ZNF35: variants seen among roughly 807,000 people sequenced by gnomAD.
ZNF35 encodes zinc finger protein 35.
In ZNF35, 31 loss-of-function variants were observed where a neutral mutation model predicts 45.9. That is an observed-to-expected ratio of 0.68 (90% CI 0.51 to 0.91). ZNF35 has a LOEUF of 0.91. Among genes scored for constraint, ZNF35 ranks in the 40% least tolerant of loss-of-function variants. The probability of loss-of-function intolerance (pLI) is 0.00; values close to 1 mark genes in which losing one functional copy is unlikely to be tolerated. For synonymous variants in ZNF35, 205 were observed against 220.2 expected (o/e 0.93, Z 0.61); for missense variants, 515 against 625.4 (o/e 0.82, Z 1.88).
intron 3 of ZNF35, among the ~76,000 whole-genome samples, chr3:44,656,852 C>T (rs1703317989): frequency 6.7e-6 from 1 of 150,200 alleles, no homozygotes; most frequent in South Asian, 2.1e-4. Context: ...CATGCACCAC[C>T]ACACCTGGCT....
At chr3:44,653,268 T>A (rs1439038218) in intron 3 of ZNF35, among the ~76,000 whole-genome samples, 1 of 152,164 alleles carries the variant, frequency 6.6e-6, no homozygotes, top group Non-Finnish European at 1.5e-5. Flanking sequence ...AAGGAATGGA[T>A]CTCCAGGTTG....
In ZNF35 at chr3:44,660,178, C is replaced by A; in HGVS notation, c.*231C>A. The A allele has an allele frequency of 2.6e-6, 1 of 391,422 alleles. No individual in the cohort carries two copies. The highest frequency in any genetic ancestry group is 4.5e-6 in the Non-Finnish European group (1 of 221,820). The allele number at this position is 391,422 out of a possible 1,614,324, so 24.2% of individuals were successfully genotyped here. A position where few individuals can be genotyped will look rare whatever the true frequency, so the allele number is the denominator to read the frequency against. On this transcript the variant is annotated 3_prime_UTR_variant, in exon 4 of 4. Transcript: ENST00000396056. ...TTGTTTTAACTGTACCTTAAGCGGT[C>A]ATGTTCTCTGAAGTGGAATGTGGCT...
chr3:44,654,017 C>T (rs957220389), intron 3 of ZNF35, among the ~76,000 whole-genome samples: 2 of 152,154 alleles, frequency 1.3e-5, no homozygotes, highest in African/African-American at 2.4e-5. Context: ...TTTAATTATT[C>T]CCAAACTCTT....
chr3:44,650,972 A>T lies in ZNF35; in HGVS notation c.-96A>T. The T allele has an allele frequency of 8.0e-7, 1 of 1,254,204 alleles. No individual in the cohort carries two copies. Among genetic ancestry groups the T allele is most frequent in the Non-Finnish European group, 1.1e-6 (1 of 914,152 alleles). The allele number at this position is 1,254,204 out of a possible 1,614,324, so 77.7% of individuals were successfully genotyped here. The stretch of plus-strand genomic sequence containing the variant: ...GTACTCATCTTGGCCCTGGGAAGAA[A>T]CTCAAGAAGAAGCTTTTGAAACATA... On this transcript the variant is annotated 5_prime_UTR_variant, in exon 2 of 4. Transcript: ENST00000396056.
Position 44,659,320 on chromosome 3 carries a change from A to C in ZNF35, c.957A>C (p.Ser319=). 2 of 1,614,178 alleles carry C rather than the reference A, an allele frequency of 1.2e-6. No homozygotes were observed. Among genetic ancestry groups the C allele is most frequent in the East Asian group, 2.2e-5 (1 of 44,884 alleles). The change falls in exon 4 of 4, where the codon TCA becomes TCC. Residue 319 remains serine (S), a synonymous_variant. Transcript: ENST00000396056. The surrounding 1 kb of genome is among the most constrained non-coding windows in gnomAD (Gnocchi z 4.3). Reference sequence around the variant, plus strand: ...GTGAGAAAGCCTTTAGTTACAGCTCACAACTTGCTCGGCACCAGAAAGTCC... The same window carrying C: ...GTGAGAAAGCCTTTAGTTACAGCTCCCAACTTGCTCGGCACCAGAAAGTCC... ...NECEKAFSYS[S]QLARHQKVHI...
intron 3 of ZNF35, among the ~76,000 whole-genome samples, chr3:44,655,112 CA>C (rs1703275807): frequency 6.6e-6 from 1 of 152,054 alleles, no homozygotes; most frequent in Non-Finnish European, 1.5e-5. Context: ...CCAGCCTGGG[CA>C]ATAGAGCAAG....
intron 1 of ZNF35, among the ~76,000 whole-genome samples, chr3:44,650,366 C>T (rs1338289213): frequency 2.0e-5 from 3 of 152,034 alleles, no homozygotes; most frequent in African/African-American, 7.3e-5. Context: ...AGTTAACTAC[C>T]CACTGCTAAC....
chr3:44,656,714 G>A (rs1314430462), intron 3 of ZNF35, among the ~76,000 whole-genome samples: 1 of 140,598 alleles, frequency 7.1e-6, no homozygotes, highest in Non-Finnish European at 1.5e-5. Context: ...CTTTGAGATA[G>A]AGTCTTGCTT....
chr3:44,659,849 C>G lies in ZNF35; in HGVS notation c.1486C>G (p.His496Asp). Residue 496 changes from histidine (H) to aspartate (D), a missense_variant, in exon 4 of 4, where the codon CAC (histidine) becomes GAC (aspartate). Coordinates refer to ENST00000396056, the MANE Select transcript of ZNF35 (RefSeq NM_003420.4). This position sits in a 1 kb window ranked among gnomAD's most constrained non-coding sequence, Gnocchi z 4.3. ...GAGCCTCACCGTGCACCAGAGAACCCACACTGGGGAGAAGCCCTATGAATG... is the reference window on the plus strand; with the variant it reads ...GAGCCTCACCGTGCACCAGAGAACCGACACTGGGGAGAAGCCCTATGAATG... ...RSSLTVHQRTHTGEKPYECEK... is the reference protein window; with the variant it reads ...RSSLTVHQRTDTGEKPYECEK... 2 of 1,613,640 alleles carry G rather than the reference C, an allele frequency of 1.2e-6. No individual in the cohort carries two copies. Among genetic ancestry groups the G allele is most frequent in the Non-Finnish European group, 1.7e-6 (2 of 1,179,716 alleles).
rs1703135782 is a variant in ZNF35 at position 44,649,478 on chromosome 3, C to T, written c.-128+644C>T. ...TCGCACCCTTTTCCAATAAAACATT[C>T]AAAGGGGGTTAGAAAGAAAAATTTC... is the stretch of plus-strand genomic sequence containing the variant. On this transcript the variant is annotated intron_variant, in intron 1 of 3. Transcript: ENST00000396056. Among the ~76,000 whole-genome samples, 3 of 152,048 alleles carry T rather than the reference C, an allele frequency of 2.0e-5. No homozygotes were observed. In the South Asian group the frequency reaches 6.2e-4, roughly 32 times the overall value.
chr3:44,647,733 T>G (rs1312694417), upstream of ZNF35: 1 of 152,142 alleles, frequency 6.6e-6, no homozygotes, highest in African/African-American at 2.4e-5. Context: ...TCATATAACA[T>G]TCTCAAAATG....
intron 1 of ZNF35, 51 bp from the exon 2 acceptor site, chr3:44,650,890 G>A: frequency 3.3e-6 from 2 of 599,554 alleles, no homozygotes; most frequent in African/African-American, 1.9e-5. Context: ...TTTGCTAAGT[G>A]GCATCCAGCA....
At position 44,658,879 on chromosome 3, in the gene ZNF35, A is replaced by G. The variant is rs756851996; in HGVS notation, c.516A>G (p.Lys172=). The G allele has an allele frequency of 9.3e-6, 15 of 1,612,490 alleles. No individual in the cohort carries two copies. In the African/African-American group the frequency reaches 2.0e-4, roughly 22 times the overall value. Reference sequence around the variant, plus strand: ...GGCAGAGAATAAAGAGAGAAAAGAAAGATTTCAGACAAGTGATAGTGAATG... The same window carrying G: ...GGCAGAGAATAAAGAGAGAAAAGAAGGATTTCAGACAAGTGATAGTGAATG... The part of the protein sequence containing the change: ...LKRQRIKREK[K]DFRQVIVNDC... The change falls in exon 4 of 4, where the codon AAA becomes AAG. Residue 172 remains lysine, a synonymous_variant. Coordinates refer to ENST00000396056, the MANE Select transcript of ZNF35 (RefSeq NM_003420.4).
chr3:44,656,259 GA>G (rs1369797997), intron 3 of ZNF35, among the ~76,000 whole-genome samples: 2 of 152,030 alleles, frequency 1.3e-5, no homozygotes, highest in African/African-American at 2.4e-5. Context: ...GAGATAGCAG[GA>G]AAAAATAAGC....
rs779227876 is a variant in ZNF35 at position 44,659,630 on chromosome 3, T to C, written c.1267T>C (p.Cys423Arg). ...AGAGAAACCTTACGACTGCAGCGAA[T>C]GTGGGAAAGCCTTCAGTCAGCTCTC... Reference protein sequence around the residue: ...TAEKPYDCSECGKAFSQLSCL... With the variant: ...TAEKPYDCSERGKAFSQLSCL... Residue 423 changes from cysteine (C) to arginine (R), a missense_variant, in exon 4 of 4, where the codon TGT becomes CGT. This residue lies in a region of ZNF35 where 232 missense variants were observed against 304.6 expected (regional missense o/e 0.76). Coordinates refer to ENST00000396056, the MANE Select transcript of ZNF35 (RefSeq NM_003420.4). This position sits in a 1 kb window ranked among gnomAD's most constrained non-coding sequence, Gnocchi z 4.3. 2 of 1,614,194 alleles carry C rather than the reference T, an allele frequency of 1.2e-6. No individual in the cohort carries two copies. Among genetic ancestry groups the C allele is most frequent in the South Asian group, 1.1e-5 (1 of 91,076 alleles).
intron 1 of ZNF35, among the ~76,000 whole-genome samples, chr3:44,649,397 C>G (rs1703133211): frequency 6.6e-6 from 1 of 152,156 alleles, no homozygotes; most frequent in Non-Finnish European, 1.5e-5. Flanking sequence ...AGTAAGTTGA[C>G]ATGGGGAAAA....
At chr3:44,648,506 C>T (rs970119299), upstream of ZNF35, 3 of 152,212 alleles carry the variant, frequency 2.0e-5, no homozygotes, top group Non-Finnish European at 4.4e-5. Flanking sequence ...TGTGTAGCTT[C>T]AGGCTCTTGG....
intron 3 of ZNF35, among the ~76,000 whole-genome samples, chr3:44,656,612 C>T (rs1336173238): frequency 6.6e-6 from 1 of 151,346 alleles, no homozygotes; most frequent in Non-Finnish European, 1.5e-5. Context: ...AGGCTGGTCT[C>T]GAACTCCTGA....
rs769968112 is a variant in ZNF35 at position 44,658,925 on chromosome 3, T to C, written c.562T>C (p.Phe188Leu). The part of the protein sequence containing the change: ...IVNDCHLPES[F>L]KEEENQKCKK... ...GAATGACTGTCACTTACCTGAAAGC[T>C]TCAAAGAAGAGGAAAACCAGAAATG... The change falls in exon 4 of 4, where the codon TTC becomes CTC. Residue 188 changes from phenylalanine to leucine, a missense_variant. Phe to Leu is a conservative substitution (Grantham distance 22, BLOSUM62 0). Coordinates refer to ENST00000396056, the MANE Select transcript of ZNF35 (RefSeq NM_003420.4). The C allele has an allele frequency of 6.2e-7, 1 of 1,613,722 alleles. No individual in the cohort carries two copies. Among genetic ancestry groups the C allele is most frequent in the South Asian group, 1.1e-5 (1 of 90,980 alleles).
Sources: gnomAD v4.1 joint callset for allele counts (sites outside exome capture counted in the v4.1 genomes callset) on GRCh38, gnomAD v4.1.1 for gene constraint, gnomAD v4.1.1 regional missense constraint, Gnocchi (gnomAD v3.1) non-coding constraint, MANE v1.5 for transcripts, NCBI Gene and HGNC (gene_info 2026-07-23, HGNC 2026-07-21) for gene names.